CDK14: variants seen among roughly 807,000 people sequenced by gnomAD.
CDK14 encodes the protein cyclin dependent kinase 14.
Under a neutral mutation model 60.7 loss-of-function variants are expected in CDK14, and 34 were observed. The observed-to-expected ratio is 0.56, with a 90% CI of 0.43 to 0.75. CDK14 has a LOEUF of 0.75. Among genes scored for constraint, CDK14 ranks in the 30% least tolerant of loss-of-function variants. The pLI is 0.00. For missense variants in CDK14, 482 were observed against 564.1 expected (o/e 0.85, Z 1.47); for synonymous variants, 197 against 203.7 (o/e 0.97, Z 0.28).
chr7:90,910,863 C>T (rs539712553), intron 7 of CDK14, among the ~76,000 whole-genome samples: 3 of 152,032 alleles, frequency 2.0e-5, no homozygotes, highest in Non-Finnish European at 4.4e-5. Context: ...TTGGTTGTAC[C>T]GATTATTTCA....
chr7:90,642,673 C>T (rs28951975), intron 2 of CDK14, among the ~76,000 whole-genome samples: 5,047 of 152,214 alleles, frequency 0.033, 140 homozygotes, highest in East Asian at 0.079. Context: ...AGCCACTGTG[C>T]CTAGCATGAA....
At chr7:90,806,306 C>G (rs76378211) in intron 5 of CDK14, among the ~76,000 whole-genome samples, 2,958 of 151,748 alleles carry the variant, frequency 0.019, 99 homozygotes, top group African/African-American at 0.066. Flanking sequence ...TAAAAAGACA[C>G]CATTAAAGAA....
intron 6 of CDK14, among the ~76,000 whole-genome samples, chr7:90,877,752 C>CAATATGG (rs1289973347): frequency 2.6e-5 from 4 of 151,882 alleles, no homozygotes; most frequent in African/African-American, 9.7e-5. Flanking sequence ...TATGGGAAAG[C>CAATATGG]AATATGGGGA....
At position 90,784,967 on chromosome 7, in the gene CDK14, T is replaced by G. The variant is rs967244261; in HGVS notation, c.465-5606T>G. ...AACTTTGCCAAAAATCTGTAAATTC[T>G]TCTGAAAATATTGTCCTTGCCCTAC... On this transcript the variant is annotated intron_variant, in intron 4 of 14. Coordinates refer to ENST00000380050, the MANE Select transcript of CDK14 (RefSeq NM_001287135.2). Among the ~76,000 whole-genome samples, 6 of 152,310 alleles carry G rather than the reference T, an allele frequency of 3.9e-5. No individual in the cohort carries two copies. The East Asian group carries it at 5.8e-4, about 15-fold the overall frequency.
intron 2 of CDK14, among the ~76,000 whole-genome samples, chr7:90,649,252 C>CTGTTTCTTTG (rs1554427075): frequency 2.2e-5 from 1 of 45,396 alleles, no homozygotes; most frequent in African/African-American, 8.1e-5. Flanking sequence ...TTCTTTCTTT[C>CTGTTTCTTTG]TTTCTTTCTT....
intron 10 of CDK14, 97 bp downstream of exon 10, chr7:90,984,338 A>AAAAT: frequency 1.3e-6 from 1 of 794,876 alleles, no homozygotes; most frequent in Non-Finnish European, 2.2e-6. Context: ...AATTTAAAAC[A>AAAAT]AAATTTGTTG....
intron 2 of CDK14, among the ~76,000 whole-genome samples, chr7:90,719,930 C>T (rs1802385293): frequency 6.6e-6 from 1 of 152,152 alleles, no homozygotes; most frequent in Non-Finnish European, 1.5e-5. Flanking sequence ...GCATAGCTGT[C>T]TACTGGAATT....
At chr7:90,879,267 A>G (rs986706067) in intron 6 of CDK14, among the ~76,000 whole-genome samples, 6 of 152,374 alleles carry the variant, frequency 3.9e-5, no homozygotes, top group South Asian at 4.1e-4. Context: ...ATACTACACC[A>G]TATACAACAT....
At chr7:91,106,036 G>C (rs1002925322) in intron 12 of CDK14, among the ~76,000 whole-genome samples, 3 of 152,178 alleles carry the variant, frequency 2.0e-5, no homozygotes, top group Non-Finnish European at 4.4e-5. Flanking sequence ...ACAATTTAAT[G>C]AGATCGCATT....
At chr7:91,078,538 C>T (rs925124120) in intron 11 of CDK14, among the ~76,000 whole-genome samples, 2 of 151,914 alleles carry the variant, frequency 1.3e-5, no homozygotes, top group South Asian at 2.1e-4. Flanking sequence ...ATCCGGGAGG[C>T]GGAGGTTGCA....
At chr7:90,869,226 G>A (rs1336453296) in intron 6 of CDK14, among the ~76,000 whole-genome samples, 2 of 152,220 alleles carry the variant, frequency 1.3e-5, no homozygotes, top group African/African-American at 4.8e-5. Flanking sequence ...ATAGATGTAT[G>A]TGCATAGGTA....
intron 11 of CDK14, among the ~76,000 whole-genome samples, chr7:91,064,975 A>G (rs1383526831): frequency 6.6e-6 from 1 of 152,164 alleles, no homozygotes; most frequent in Non-Finnish European, 1.5e-5. Context: ...AAAGGTGTAG[A>G]TGGTTTGGCG....
intron 2 of CDK14, among the ~76,000 whole-genome samples, chr7:90,705,612 A>C (rs907622347): frequency 6.7e-6 from 1 of 149,268 alleles, no homozygotes; most frequent in African/African-American, 2.5e-5. Context: ...CCACCTGTTG[A>C]CTCGAGCCAT....
At chr7:91,162,245 A>G (rs930718267) in intron 14 of CDK14, among the ~76,000 whole-genome samples, 6 of 152,096 alleles carry the variant, frequency 3.9e-5, no homozygotes, top group Non-Finnish European at 8.8e-5. Context: ...TTAAATATTT[A>G]TTTTTCAGAT....
In CDK14 at chr7:91,045,892, A is replaced by G. The variant is rs765733323; in HGVS notation, c.1042-5A>G. The stretch of plus-strand genomic sequence containing the variant: ...CTGTTTCCACAATCTCCTACTCTCC[A>G]CTAGGTTCTTGGAACACCAAATGAG... On this transcript the variant is annotated splice_region_variant and splice_polypyrimidine_tract_variant and intron_variant, in intron 10 of 14. Coordinates refer to ENST00000380050, the MANE Select transcript of CDK14 (RefSeq NM_001287135.2). 1.9e-6 allele frequency: 3 copies of G among 1,599,584 alleles called. No homozygotes were observed. Among genetic ancestry groups the G allele is most frequent in the Non-Finnish European group, 2.6e-6 (3 of 1,167,038 alleles).
chr7:90,777,481 C>T (rs1805097874), intron 4 of CDK14, among the ~76,000 whole-genome samples: 1 of 152,214 alleles, frequency 6.6e-6, no homozygotes. Flanking sequence ...GTCCTGGTTG[C>T]ACGTTAGAAT....
intron 5 of CDK14, among the ~76,000 whole-genome samples, chr7:90,810,954 A>G (rs1476520543): frequency 5.9e-5 from 9 of 152,154 alleles, no homozygotes; most frequent in African/African-American, 2.2e-4. Flanking sequence ...CCACTGCTCA[A>G]TGAAATAAAA....
intron 2 of CDK14, among the ~76,000 whole-genome samples, chr7:90,665,885 A>G (rs1800968844): frequency 6.6e-6 from 1 of 152,242 alleles, no homozygotes; most frequent in Non-Finnish European, 1.5e-5. Context: ...CACAGGACTT[A>G]TCTCGATAAA....
At chr7:91,178,751 C>T (rs998791952) in intron 14 of CDK14, among the ~76,000 whole-genome samples, 13 of 151,320 alleles carry the variant, frequency 8.6e-5, no homozygotes, top group African/African-American at 2.4e-4. Flanking sequence ...ATCAAAACCA[C>T]TATTAGATAC....
Sources: allele counts gnomAD v4.1 joint callset (sites outside exome capture counted in the v4.1 genomes callset), GRCh38; gene constraint gnomAD v4.1.1; transcripts MANE v1.5; gene names NCBI Gene and HGNC (gene_info 2026-07-23, HGNC 2026-07-21).